Variants in CACNG1 observed in about 807,000 individuals in gnomAD.
CACNG1 encodes voltage-dependent calcium channel gamma-1 subunit.
In CACNG1, 21 loss-of-function variants were observed where a neutral mutation model predicts 22.0. That is an observed-to-expected ratio of 0.95 (90% confidence interval 0.68 to 1.37). The LOEUF (loss-of-function observed/expected upper bound fraction) is 1.37. CACNG1 is among the 40% of genes most tolerant of loss of function. The pLI is 0.00. For synonymous variants in CACNG1, 127 were observed against 129.2 expected, an observed-to-expected ratio of 0.98 and a Z score of 0.12; for missense variants, 291 against 308.6, an observed-to-expected ratio of 0.94 and a Z score of 0.43.
intron 1 of CACNG1, 89 bp from the exon 2 acceptor site, chr17:67,053,907 C>A (rs758304324): frequency 4.4e-6 from 4 of 914,568 alleles, no homozygotes; most frequent in Admixed American, 3.4e-5. Flanking sequence ...CCCTGCATGC[C>A]GAGCAGAATG....
chr17:67,050,480 A>C (rs532358368), intron 1 of CACNG1, among the ~76,000 whole-genome samples: 1 of 152,378 alleles, frequency 6.6e-6, no homozygotes, highest in Admixed American at 6.5e-5. Context: ...CACTGACATC[A>C]ATGCAAGTTA....
rs918445063 is a variant in CACNG1, at chr17:67,044,853, G to A, written c.193G>A (p.Asp65Asn). 19 of 1,613,272 alleles carry A rather than the reference G, an allele frequency of 1.2e-5. No homozygotes were observed. The highest frequency in any genetic ancestry group is 4.5e-5 in the East Asian group (2 of 44,856). ...RICTKRIPMDDSKTCGPITLP... is the reference protein window; with the variant it reads ...RICTKRIPMDNSKTCGPITLP... The stretch of plus-strand genomic sequence containing the variant: ...TTGTACCAAGCGCATCCCCATGGAC[G>A]ACAGCAAGACCTGCGGGCCCATCAC... The change falls in exon 1 of 4, where the codon GAC becomes AAC. Residue 65 changes from aspartate to asparagine, a missense_variant. Coordinates refer to ENST00000226021, the MANE Select transcript of CACNG1 (RefSeq NM_000727.4). This position sits in a 1 kb window ranked among gnomAD's most constrained non-coding sequence, Gnocchi z 6.9.
chr17:67,053,225 G>A (rs1375194125), intron 1 of CACNG1, among the ~76,000 whole-genome samples: 1 of 152,152 alleles, frequency 6.6e-6, no homozygotes, highest in Non-Finnish European at 1.5e-5. Flanking sequence ...CCCTCGTAGG[G>A]GTTCCATCTG....
chr17:67,054,345 T>C lies in CACNG1; in HGVS notation c.304+275T>C, dbSNP rs999290498. Among the ~76,000 whole-genome samples, 1 of 152,086 alleles carries C rather than the reference T, an allele frequency of 6.6e-6. No individual in the cohort carries two copies. The highest frequency in any genetic ancestry group is 1.5e-5 in the Non-Finnish European group (1 of 68,002). ...TAGGCCCCTACACAAGGGCAGCTGT[T>C]GTGACGGGAGGTGTGGATGTGGAAC... On this transcript the variant is annotated intron_variant, in intron 2 of 3. Transcript: ENST00000226021. This position sits in a 1 kb window ranked among gnomAD's most constrained non-coding sequence, Gnocchi z 4.6.
chr17:67,051,730 CTGAGT>C (rs2035729593), intron 1 of CACNG1, among the ~76,000 whole-genome samples: 1 of 152,260 alleles, frequency 6.6e-6, no homozygotes, highest in South Asian at 2.1e-4. Flanking sequence ...ACCCCTGTGT[CTGAGT>C]TAAGATCATT....
chr17:67,055,361 A>C lies in CACNG1; in HGVS notation c.442+121A>C. 8.3e-7 allele frequency: 1 copy of C among 1,201,794 alleles called. No individual in the cohort carries two copies. Among genetic ancestry groups the C allele is most frequent in the Non-Finnish European group, 1.1e-6 (1 of 872,396 alleles). 74.4% of individuals were successfully genotyped at this position (1,201,794 alleles called of 1,614,324 possible). On this transcript the variant is annotated intron_variant, in intron 3 of 3. Coordinates refer to ENST00000226021, the MANE Select transcript of CACNG1 (RefSeq NM_000727.4). The surrounding 1 kb of genome is among the most constrained non-coding windows in gnomAD (Gnocchi z 4.5). ...GGGGCATTTCCCAGGCTCCATCCCC[A>C]TCCAGGGGCAAACCTGGCCAGGCCA...
chr17:67,045,211 C>T (rs565487597), intron 1 of CACNG1, among the ~76,000 whole-genome samples: 7 of 152,362 alleles, frequency 4.6e-5, no homozygotes, highest in African/African-American at 1.7e-4. Flanking sequence ...CACCTGCTCA[C>T]TCTCTCCCTG....
At chr17:67,049,591 T>C (rs868135679) in intron 1 of CACNG1, among the ~76,000 whole-genome samples, 12 of 150,100 alleles carry the variant, frequency 8.0e-5, no homozygotes, top group Non-Finnish European at 4.5e-5. Flanking sequence ...TACAGGTGGG[T>C]CTCATTCTAC....
Position 67,055,299 on chromosome 17 carries a change from C to CCA in CACNG1, c.442+60_442+61insAC. ...GGGGGACCATGTCGCGGGGGATTCT[C>CCA]CGCTCCACCCTCATGCCCACCGCGA... is the stretch of plus-strand genomic sequence containing the variant. On this transcript the variant is annotated intron_variant, in intron 3 of 3. Coordinates refer to ENST00000226021, the MANE Select transcript of CACNG1 (RefSeq NM_000727.4). This position sits in a 1 kb window ranked among gnomAD's most constrained non-coding sequence, Gnocchi z 4.5. 1.3e-6 allele frequency: 2 copies of CCA among 1,560,224 alleles called. No individual in the cohort carries two copies. The highest frequency in any genetic ancestry group is 1.7e-6 in the Non-Finnish European group (2 of 1,145,934).
chr17:67,052,944 C>A (rs2035736553), intron 1 of CACNG1, among the ~76,000 whole-genome samples: 4 of 151,918 alleles, frequency 2.6e-5, no homozygotes, highest in Admixed American at 1.3e-4. Context: ...CCGGCCTGTG[C>A]TTTGATTTTA....
chr17:67,049,055 G>A (rs899693153), intron 1 of CACNG1, among the ~76,000 whole-genome samples: 10 of 152,146 alleles, frequency 6.6e-5, no homozygotes, highest in South Asian at 2.1e-4. Context: ...GTTAAAAATC[G>A]ACAAATTTAT....
Position 67,055,355 on chromosome 17 carries a change from A to G in CACNG1, c.442+115A>G. ...GGGTGAGGGGCATTTCCCAGGCTCC[A>G]TCCCCATCCAGGGGCAAACCTGGCC... On this transcript the variant is annotated intron_variant, in intron 3 of 3. Coordinates refer to ENST00000226021, the MANE Select transcript of CACNG1 (RefSeq NM_000727.4). The surrounding 1 kb of genome is among the most constrained non-coding windows in gnomAD (Gnocchi z 4.5). 7.8e-7 allele frequency: 1 copy of G among 1,281,954 alleles called. No individual in the cohort carries two copies. 79.4% of individuals were successfully genotyped at this position (1,281,954 alleles called of 1,614,324 possible).
At chr17:67,051,261 G>T (rs985340588) in intron 1 of CACNG1, among the ~76,000 whole-genome samples, 12 of 152,102 alleles carry the variant, frequency 7.9e-5, no homozygotes, top group African/African-American at 2.9e-4. Context: ...GCTCATAGTA[G>T]GGTCTGTCCA....
intron 1 of CACNG1, among the ~76,000 whole-genome samples, chr17:67,053,594 G>A (rs756247198): frequency 3.3e-5 from 5 of 152,192 alleles, no homozygotes; most frequent in African/African-American, 1.2e-4. Context: ...CCCAGGCATC[G>A]CCAAGTGTCC....
chr17:67,054,646 A>G lies in CACNG1; in HGVS notation c.305-457A>G, dbSNP rs1235134311. 6.6e-6 allele frequency among the ~76,000 whole-genome samples: 1 copy of G among 151,246 alleles called. No homozygotes were observed. The highest frequency in any genetic ancestry group is 2.4e-5 in the African/African-American group (1 of 41,074). On this transcript the variant is annotated intron_variant, in intron 2 of 3. Transcript: ENST00000226021. This position sits in a 1 kb window ranked among gnomAD's most constrained non-coding sequence, Gnocchi z 4.6. ...ACACAGACACACACAACACAGATAC[A>G]CACACACGACACACACAAGACACAG...
In CACNG1 at chr17:67,056,159, G is replaced by C. The variant is rs1463032243; in HGVS notation, c.557G>C (p.Cys186Ser). The C allele has an allele frequency of 6.2e-7, 1 of 1,613,948 alleles. No individual in the cohort carries two copies. The highest frequency in any genetic ancestry group is 1.7e-5 in the Admixed American group (1 of 60,018). ...TACTCCTGGTCCTTTGCCTGCGCCT[G>C]TGCCGCCTTCATCCTCCTCTTTCTC... ...YYYSWSFACA[C>S]AAFILLFLGG... The change falls in exon 4 of 4, where the codon TGT becomes TCT. Residue 186 changes from cysteine (C) to serine (S), a missense_variant. By Grantham distance (112) the Cys-to-Ser change is moderately radical. Coordinates refer to ENST00000226021, the MANE Select transcript of CACNG1 (RefSeq NM_000727.4). This position sits in a 1 kb window ranked among gnomAD's most constrained non-coding sequence, Gnocchi z 4.3.
At chr17:67,048,512 A>G (rs1317502551) in intron 1 of CACNG1, among the ~76,000 whole-genome samples, 1 of 152,096 alleles carries the variant, frequency 6.6e-6, no homozygotes, top group Non-Finnish European at 1.5e-5. Flanking sequence ...ATAAATACAT[A>G]CATAAATAAT....
Position 67,044,672 on chromosome 17 carries a change from CA to C in CACNG1, c.16del (p.Met6CysfsTer2). The C allele has an allele frequency of 1.2e-6, 2 of 1,606,050 alleles. No individual in the cohort carries two copies. The highest frequency in any genetic ancestry group is 1.1e-5 in the South Asian group (1 of 91,052). ...CCTCGGCGACCACCATGTCCCAGAC[CA>C]AAATGCTGAAGGTCCGCGTGACCCT... is the stretch of plus-strand genomic sequence containing the variant. MSQT[K>X]MLKVRVTLFC... On this transcript the variant is annotated frameshift_variant, in exon 1 of 4. Transcript: ENST00000226021. LOFTEE classifies it high-confidence loss of function. The surrounding 1 kb of genome is among the most constrained non-coding windows in gnomAD (Gnocchi z 6.9).
At chr17:67,046,321 G>T (rs2035696767) in intron 1 of CACNG1, among the ~76,000 whole-genome samples, 1 of 152,166 alleles carries the variant, frequency 6.6e-6, no homozygotes, top group African/African-American at 2.4e-5. Context: ...CAGACTAGGT[G>T]TTCCTTGAAA....
Sources: allele counts gnomAD v4.1 joint callset (sites outside exome capture counted in the v4.1 genomes callset), GRCh38; gene constraint gnomAD v4.1.1; non-coding constraint Gnocchi (gnomAD v3.1); transcripts MANE v1.5; gene names NCBI Gene and HGNC (gene_info 2026-07-23, HGNC 2026-07-21).